Variants in TENT2 observed in about 807,000 individuals in gnomAD.
The protein encoded by TENT2 is terminal nucleotidyltransferase 2, also known as poly(A) RNA polymerase GLD2.
A neutral mutation model predicts 72.2 loss-of-function variants in TENT2; 44 were observed. The ratio of observed to expected loss-of-function variants is 0.61; its 90% CI spans 0.48 to 0.78. The LOEUF (loss-of-function observed/expected upper bound fraction) is 0.78, where lower values mean the gene tolerates loss of function less well. Among genes scored for constraint, TENT2 ranks in the 30% least tolerant of loss-of-function variants. The pLI is 0.00. For synonymous variants in TENT2, 212 were observed against 192.5 expected (o/e 1.10, Z -0.84); for missense variants, 541 against 569.6 (o/e 0.95, Z 0.51).
intron 4 of TENT2, among the ~76,000 whole-genome samples, chr5:79,634,046 A>G (rs1001932567): frequency 2.0e-5 from 3 of 149,288 alleles, no homozygotes; most frequent in South Asian, 2.1e-4. Flanking sequence ...GCGGACGCCT[A>G]TAGTCCCAGC....
chr5:79,619,886 G>T, intron 2 of TENT2, 101 bp downstream of exon 2: 1 of 1,481,460 alleles, frequency 6.8e-7, no homozygotes, highest in Non-Finnish European at 9.1e-7. Flanking sequence ...AGAATATGTC[G>T]TCACATTTTT....
rs756544028 is a variant in TENT2 at position 79,668,935 on chromosome 5, C to T, written c.1115C>T (p.Ala372Val). 1.9e-6 allele frequency: 3 copies of T among 1,613,666 alleles called. No individual in the cohort carries two copies. The African/African-American group carries it at 4.0e-5, about 22-fold the overall frequency. ...PAIQLHLVHQAPCNVPPYLSK... is the reference protein window; with the variant it reads ...PAIQLHLVHQVPCNVPPYLSK... The stretch of plus-strand genomic sequence containing the variant: ...ATACAGCTGCACCTTGTACATCAAG[C>T]TCCATGTAATGTTCCTCCTTACCTC... Residue 372 changes from alanine (A) to valine (V), a missense_variant, in exon 12 of 15, where the codon GCT (alanine) becomes GTT (valine). Ala to Val is a moderately conservative substitution (Grantham distance 64). Coordinates refer to ENST00000453514, the MANE Select transcript of TENT2 (RefSeq NM_001114394.3).
chr5:79,674,072 T>C (rs1265583281), intron 12 of TENT2, among the ~76,000 whole-genome samples: 1 of 152,074 alleles, frequency 6.6e-6, no homozygotes, highest in Non-Finnish European at 1.5e-5. Context: ...CCTAATCTCC[T>C]CAAAAGTCAG....
chr5:79,621,798 T>C (rs889018700), intron 3 of TENT2, among the ~76,000 whole-genome samples: 1 of 151,928 alleles, frequency 6.6e-6, no homozygotes, highest in Non-Finnish European at 1.5e-5. Flanking sequence ...TCCATTAATT[T>C]GTAGTTAAAC....
At chr5:79,613,614 G>A (rs1756976208) in intron 1 of TENT2, among the ~76,000 whole-genome samples, 1 of 152,156 alleles carries the variant, frequency 6.6e-6, no homozygotes, top group South Asian at 2.1e-4. Flanking sequence ...CTTTGTTGGT[G>A]TGAATAGCCC....
At chr5:79,672,721 T>A in intron 12 of TENT2, among the ~76,000 whole-genome samples, 1 of 152,222 alleles carries the variant, frequency 6.6e-6, no homozygotes, top group Non-Finnish European at 1.5e-5. Flanking sequence ...GATGGACACT[T>A]AAGTTCCTTC....
chr5:79,674,740 T>A (rs910748159), intron 12 of TENT2, among the ~76,000 whole-genome samples: 8 of 152,206 alleles, frequency 5.3e-5, no homozygotes, highest in African/African-American at 1.7e-4. Context: ...GTATTTGAAA[T>A]TTTTCATAAT....
At position 79,687,995 on chromosome 5, in the gene TENT2, G is replaced by GAAT. The variant is rs35294972; in HGVS notation, c.*2725_*2727dup. Among the ~76,000 whole-genome samples, 36,106 of 151,932 alleles carry GAAT rather than the reference G, an allele frequency of 0.24. 5,720 individuals carry two copies. Among genetic ancestry groups the GAAT allele is most frequent in the African/African-American group, 0.43 (17,697 of 41,336 alleles). On this transcript the variant is annotated 3_prime_UTR_variant, in exon 15 of 15. Transcript: ENST00000453514. ...TGGTGAAGTCTAGCTGGTGTTAAGA[G>GAAT]AATAAATATTGCTGATGCTAAACCT...
At chr5:79,638,507 G>A (rs1356393302) in intron 4 of TENT2, among the ~76,000 whole-genome samples, 1 of 152,094 alleles carries the variant, frequency 6.6e-6, no homozygotes. Context: ...ATCTTTCTGT[G>A]GTCCCCTTGC....
chr5:79,662,352 G>A (rs1407614301), intron 11 of TENT2, among the ~76,000 whole-genome samples: 1 of 152,082 alleles, frequency 6.6e-6, no homozygotes, highest in Non-Finnish European at 1.5e-5. Flanking sequence ...GACCTCCCAT[G>A]AATCATGAAT....
intron 10 of TENT2, among the ~76,000 whole-genome samples, chr5:79,655,692 AAGG>A (rs1286085131): frequency 8.6e-5 from 13 of 151,804 alleles, no homozygotes; most frequent in Non-Finnish European, 1.9e-4. Context: ...TCTTAGGGGA[AAGG>A]AATATATATA....
At chr5:79,635,575 G>A (rs765365324) in intron 4 of TENT2, among the ~76,000 whole-genome samples, 3 of 151,684 alleles carry the variant, frequency 2.0e-5, no homozygotes, top group Non-Finnish European at 4.4e-5. Context: ...TTTTTTTGGA[G>A]ACAGAGTCTT....
chr5:79,636,245 C>G (rs1038990517), intron 4 of TENT2, among the ~76,000 whole-genome samples: 11 of 152,248 alleles, frequency 7.2e-5, no homozygotes, highest in South Asian at 6.2e-4. Flanking sequence ...AAACCATATA[C>G]TAGAGAGAAA....
chr5:79,643,605 G>A (rs1195158967), intron 7 of TENT2, among the ~76,000 whole-genome samples: 2 of 152,148 alleles, frequency 1.3e-5, no homozygotes, highest in Non-Finnish European at 2.9e-5. Flanking sequence ...TACAAGTCAA[G>A]TAACAAGTCA....
At chr5:79,643,818 T>C (rs1210611436) in intron 7 of TENT2, among the ~76,000 whole-genome samples, 2 of 152,120 alleles carry the variant, frequency 1.3e-5, no homozygotes, top group African/African-American at 4.8e-5. Context: ...TCTTTTTCTT[T>C]TGGTTATTTT....
Position 79,681,133 on chromosome 5 carries a change from C to CT in TENT2, c.1301-843dup, listed in dbSNP as rs1286927677. ...GCCAAATTTCTCATGCAAGTTACTT[C>CT]TTTTTTCTTTTCTTTGATTTTTTTT... On this transcript the variant is annotated intron_variant, in intron 13 of 14. Transcript: ENST00000453514. Among the ~76,000 whole-genome samples the CT allele has an allele frequency of 1.2e-4, 12 of 97,840 alleles. No individual in the cohort carries two copies. In the East Asian group the frequency reaches 2.8e-3, roughly 23 times the overall value. 64.2% of individuals were successfully genotyped at this position (97,840 alleles called of 152,430 possible). A position where few individuals can be genotyped will look rare whatever the true frequency, so the allele number is the denominator to read the frequency against.
chr5:79,616,846 T>G (rs1195165124), intron 1 of TENT2, among the ~76,000 whole-genome samples: 3 of 152,222 alleles, frequency 2.0e-5, no homozygotes, highest in African/African-American at 7.2e-5. Context: ...GCATTTAGGA[T>G]GAGGTCTGAT....
At chr5:79,630,250 G>A (rs968656225) in intron 4 of TENT2, among the ~76,000 whole-genome samples, 10 of 152,150 alleles carry the variant, frequency 6.6e-5, no homozygotes, top group Non-Finnish European at 7.4e-5. Context: ...CCTCTTAGAG[G>A]AGGCAGTATT....
chr5:79,615,971 C>T (rs1759533123), intron 1 of TENT2, among the ~76,000 whole-genome samples: 1 of 152,100 alleles, frequency 6.6e-6, no homozygotes, highest in Non-Finnish European at 1.5e-5. Flanking sequence ...TCACTGTAAC[C>T]TCTGCTTGCC....
Sources: allele counts gnomAD v4.1 joint callset (sites outside exome capture counted in the v4.1 genomes callset), GRCh38; gene constraint gnomAD v4.1.1; transcripts MANE v1.5; gene names NCBI Gene and HGNC (gene_info 2026-07-23, HGNC 2026-07-21).